Variants in MKLN1 observed in about 807,000 individuals in gnomAD.
MKLN1 encodes the protein muskelin 1.
MKLN1 carries 18 observed loss-of-function variants against 99.0 expected under a neutral mutation model. That is an observed-to-expected ratio of 0.18 (90% CI 0.13 to 0.27). The LOEUF (loss-of-function observed/expected upper bound fraction) is 0.27. Among genes scored for constraint, MKLN1 ranks in the 10% least tolerant of loss-of-function variants. The probability of loss-of-function intolerance (pLI) is 1.00; values close to 1 mark genes in which losing one functional copy is unlikely to be tolerated. For missense variants in MKLN1, 621 were observed against 875.9 expected (o/e 0.71, Z 3.67); for synonymous variants, 288 against 293.2 (o/e 0.98, Z 0.18).
At chr7:131,475,984 T>C (rs1796954987) in intron 16 of MKLN1, among the ~76,000 whole-genome samples, 1 of 152,164 alleles carries the variant, frequency 6.6e-6, no homozygotes. Context: ...TCTAGGAATA[T>C]ATGGCTAGTT....
intron 1 of MKLN1, among the ~76,000 whole-genome samples, chr7:131,129,870 C>T (rs544851156): frequency 6.6e-6 from 1 of 152,196 alleles, no homozygotes; most frequent in South Asian, 2.1e-4. Flanking sequence ...GCCACCATGC[C>T]CAGCTAGGTC....
chr7:131,160,534 T>TATTATTA, intron 2 of MKLN1, among the ~76,000 whole-genome samples: 2 of 141,680 alleles, frequency 1.4e-5, no homozygotes, highest in South Asian at 2.2e-4. Flanking sequence ...TTATTATTAT[T>TATTATTA]TTGAGACAGG....
rs909251138 is a variant in MKLN1, at chr7:131,275,365, G to GTTTTTT, written c.-179+72407_-179+72412dup. 8.3e-4 allele frequency among the ~76,000 whole-genome samples: 87 copies of GTTTTTT among 105,176 alleles called. 3 individuals carry two copies. Among genetic ancestry groups the GTTTTTT allele is most frequent in the Non-Finnish European group, 1.5e-3 (77 of 52,004 alleles). The allele number at this position is 105,176 out of a possible 152,430, so 69.0% of individuals were successfully genotyped here. A position where few individuals can be genotyped will look rare whatever the true frequency, so the allele number is the denominator to read the frequency against. On this transcript the variant is annotated intron_variant, in intron 3 of 7. Transcript: ENST00000416992. ...AGTTTTTTTGTTGTCGTTGTTGTTG[G>GTTTTTT]TTTTTTTTTTTTTTTTTTTTTGAGA...
chr7:131,401,056 T>TCTG (rs1335812052), intron 6 of MKLN1, among the ~76,000 whole-genome samples: 1 of 152,120 alleles, frequency 6.6e-6, no homozygotes, highest in Non-Finnish European at 1.5e-5. Flanking sequence ...TGGCTTCTGC[T>TCTG]CTATTAAAAA....
intron 1 of MKLN1, 101 bp downstream of exon 1, chr7:131,328,098 G>T: frequency 7.0e-7 from 1 of 1,438,372 alleles, no homozygotes; most frequent in Non-Finnish European, 9.5e-7. Flanking sequence ...GGCCCAGGCG[G>T]GGCCTGCTGA....
At chr7:131,214,027 T>C (rs10954309) in intron 3 of MKLN1, among the ~76,000 whole-genome samples, 33,230 of 152,142 alleles carry the variant, frequency 0.22, 3,890 homozygotes, top group East Asian at 0.51. Flanking sequence ...TAATGTCTTG[T>C]ATTTTTTTCT....
chr7:131,482,490 TAAG>T (rs1450618394), intron 17 of MKLN1, among the ~76,000 whole-genome samples: 5 of 152,190 alleles, frequency 3.3e-5, no homozygotes, highest in Admixed American at 6.5e-5. Context: ...GTGTTAGAAA[TAAG>T]AAGTGTACAT....
At chr7:131,146,508 T>C (rs949878971) in intron 2 of MKLN1, among the ~76,000 whole-genome samples, 10 of 152,362 alleles carry the variant, frequency 6.6e-5, no homozygotes, top group African/African-American at 1.7e-4. Context: ...ATATGTAATA[T>C]GCAGGAACTG....
At chr7:131,334,704 C>T (rs1291833818) in intron 1 of MKLN1, among the ~76,000 whole-genome samples, 1 of 151,966 alleles carries the variant, frequency 6.6e-6, no homozygotes, top group Non-Finnish European at 1.5e-5. Context: ...TGATGTTTTA[C>T]GTGTAGATAA....
At chr7:131,405,110 G>A (rs1236855637) in intron 6 of MKLN1, among the ~76,000 whole-genome samples, 1 of 152,036 alleles carries the variant, frequency 6.6e-6, no homozygotes, top group Non-Finnish European at 1.5e-5. Context: ...GTCTATAATT[G>A]TCTATAATCA....
At chr7:131,302,882 G>A (rs1798395943) in intron 3 of MKLN1, among the ~76,000 whole-genome samples, 2 of 152,154 alleles carry the variant, frequency 1.3e-5, no homozygotes, top group Non-Finnish European at 2.9e-5. Flanking sequence ...GGTTTGACAG[G>A]TTCAATGAGA....
At chr7:131,417,066 G>A (rs762904574) in intron 8 of MKLN1, among the ~76,000 whole-genome samples, 60 of 151,304 alleles carry the variant, frequency 4.0e-4, no homozygotes, top group Admixed American at 2.0e-4. Context: ...ATAAGAAAGC[G>A]TAGCGAGAAT....
At chr7:131,249,346 C>T (rs939597623) in intron 3 of MKLN1, among the ~76,000 whole-genome samples, 1 of 152,218 alleles carries the variant, frequency 6.6e-6, no homozygotes, top group East Asian at 1.9e-4. Flanking sequence ...GTCCAAGTTG[C>T]AATGCCTTGG....
intron 2 of MKLN1, among the ~76,000 whole-genome samples, chr7:131,175,384 A>C (rs1796284026): frequency 6.6e-6 from 1 of 152,324 alleles, no homozygotes; most frequent in Non-Finnish European, 1.5e-5. Flanking sequence ...ATGAGTGCAG[A>C]AGTTAGTCAG....
intron 3 of MKLN1, among the ~76,000 whole-genome samples, chr7:131,214,994 G>A (rs1228516404): frequency 1.3e-5 from 2 of 152,240 alleles, no homozygotes; most frequent in Non-Finnish European, 2.9e-5. Flanking sequence ...AGTAAATGTT[G>A]TATGTGATAA....
At chr7:131,316,065 G>C (rs145476950) in intron 3 of MKLN1, among the ~76,000 whole-genome samples, 5 of 152,266 alleles carry the variant, frequency 3.3e-5, no homozygotes, top group African/African-American at 4.8e-5. Flanking sequence ...CCCAACACAG[G>C]GTACCAGCTC....
At chr7:131,254,374 C>T (rs1228707931) in intron 3 of MKLN1, among the ~76,000 whole-genome samples, 2 of 151,982 alleles carry the variant, frequency 1.3e-5, no homozygotes, top group Non-Finnish European at 2.9e-5. Flanking sequence ...AACAAAAATA[C>T]GAGACATTCA....
chr7:131,257,132 A>G (rs570038767), intron 3 of MKLN1, among the ~76,000 whole-genome samples: 3 of 152,322 alleles, frequency 2.0e-5, no homozygotes, highest in Admixed American at 2.0e-4. Flanking sequence ...TTTAACAAGT[A>G]TCTATAAAAT....
At chr7:131,408,244 A>C (rs887992038) in intron 6 of MKLN1, among the ~76,000 whole-genome samples, 2 of 152,104 alleles carry the variant, frequency 1.3e-5, no homozygotes, top group Admixed American at 1.3e-4. Flanking sequence ...TCAGTGTCAT[A>C]ATATTGACTA....
Sources: allele counts gnomAD v4.1 joint callset (sites outside exome capture counted in the v4.1 genomes callset), GRCh38; gene constraint gnomAD v4.1.1; transcripts MANE v1.5; gene names NCBI Gene and HGNC (gene_info 2026-07-23, HGNC 2026-07-21).